The following KDM7A variants were observed in gnomAD, a reference collection of about 807,000 sequenced individuals.
KDM7A encodes the protein lysine demethylase 7A.
In KDM7A, 28 loss-of-function variants were observed where a neutral mutation model predicts 114.8. The ratio of observed to expected loss-of-function variants is 0.24; its 90% confidence interval spans 0.18 to 0.33. The LOEUF is 0.33. Ranked by LOEUF, KDM7A falls within the 10% of genes least tolerant of loss-of-function variation. The probability of loss-of-function intolerance (pLI) is 1.00; values close to 1 mark genes in which losing one functional copy is unlikely to be tolerated. For synonymous variants in KDM7A, 423 were observed against 397.8 expected (o/e 1.06, Z -0.75); for missense variants, 942 against 1,142.5 (o/e 0.82, Z 2.53).
Position 140,088,779 on chromosome 7 carries a change from C to T in KDM7A, c.*2315G>A. 1 of 348,872 alleles carries T rather than the reference C, an allele frequency of 2.9e-6. No homozygotes were observed. Among genetic ancestry groups the T allele is most frequent in the Non-Finnish European group, 5.1e-6 (1 of 195,436 alleles). The allele number at this position is 348,872 out of a possible 1,614,324, so 21.6% of individuals were successfully genotyped here. On this transcript the variant is annotated 3_prime_UTR_variant, in exon 20 of 20. Coordinates refer to ENST00000397560, the MANE Select transcript of KDM7A (RefSeq NM_030647.2). The stretch of plus-strand genomic sequence containing the variant: ...AGTACCTTCACTTTAGAATTCCACA[C>T]ACGGGCTACTCCAAATTAGTACTTC...
intron 9 of KDM7A, among the ~76,000 whole-genome samples, chr7:140,118,438 T>TG (rs548657370): frequency 2.8e-4 from 43 of 152,230 alleles, no homozygotes; most frequent in East Asian, 2.3e-3. Flanking sequence ...TTTTTGGAGA[T>TG]GGAGTTTTGC....
At position 140,153,248 on chromosome 7, in the gene KDM7A, G is replaced by C. The variant is rs115662312; in HGVS notation, c.195-14058C>G. ...CAGGACCATAAAAGTAACCATGCGTGAGGCCGAGGCGGGCGGATCACGAGG... is the reference window on the plus strand; with the variant it reads ...CAGGACCATAAAAGTAACCATGCGTCAGGCCGAGGCGGGCGGATCACGAGG... On this transcript the variant is annotated intron_variant, in intron 1 of 19. Transcript: ENST00000397560. Among the ~76,000 whole-genome samples the C allele has an allele frequency of 4.3e-3, 652 of 152,042 alleles. 8 individuals are homozygous for C. The highest frequency in any genetic ancestry group is 0.014 in the African/African-American group (596 of 41,508).
At chr7:140,160,387 C>T (rs752729087) in intron 1 of KDM7A, among the ~76,000 whole-genome samples, 13 of 152,206 alleles carry the variant, frequency 8.5e-5, no homozygotes, top group Non-Finnish European at 1.6e-4. Context: ...CAGGGTCTTT[C>T]TTTGTTCTGT....
intron 6 of KDM7A, among the ~76,000 whole-genome samples, chr7:140,125,084 T>C (rs918154705): frequency 2.0e-5 from 3 of 152,166 alleles, no homozygotes; most frequent in African/African-American, 4.8e-5. Flanking sequence ...CATTGTCAAA[T>C]AGAGAAGTAA....
rs547790744 is a variant in KDM7A, at chr7:140,087,680, G to A, written c.*3414C>T. ...GTGACTTATTCAAGGTTACACAGCTGATACCTAAATGGCAGAACTTCGACA... is the reference window on the plus strand; with the variant it reads ...GTGACTTATTCAAGGTTACACAGCTAATACCTAAATGGCAGAACTTCGACA... On this transcript the variant is annotated 3_prime_UTR_variant, in exon 20 of 20. Coordinates refer to ENST00000397560, the MANE Select transcript of KDM7A (RefSeq NM_030647.2). 8.5e-5 allele frequency: 13 copies of A among 152,276 alleles called. No homozygotes were observed. In the East Asian group the frequency reaches 2.5e-3, roughly 29 times the overall value. The allele number at this position is 152,276 out of a possible 1,614,324, so 9.4% of individuals were successfully genotyped here.
At chr7:140,108,015 A>G (rs1187153963) in intron 11 of KDM7A, among the ~76,000 whole-genome samples, 3 of 152,154 alleles carry the variant, frequency 2.0e-5, no homozygotes, top group East Asian at 3.9e-4. Flanking sequence ...GCTTCATTTC[A>G]TTCATTTGAT....
chr7:140,115,414 A>G (rs1319833352), intron 9 of KDM7A, among the ~76,000 whole-genome samples: 2 of 152,238 alleles, frequency 1.3e-5, no homozygotes, highest in African/African-American at 4.8e-5. Flanking sequence ...TGTAGAAAGA[A>G]GTAGACATGG....
rs1794714004 is a variant in KDM7A, at chr7:140,176,670, C to T, written c.194+74G>A. ...GCGGCGGCCCGGCCCGAGGGAGGCG[C>T]GGGCGGCCGGCGGCGGCGGCGGTTG... On this transcript the variant is annotated intron_variant, in intron 1 of 19. Coordinates refer to ENST00000397560, the MANE Select transcript of KDM7A (RefSeq NM_030647.2). This position sits in a 1 kb window ranked among gnomAD's most constrained non-coding sequence, Gnocchi z 4.4. 4.0e-6 allele frequency: 4 copies of T among 1,010,308 alleles called. No individual in the cohort carries two copies. Among genetic ancestry groups the T allele is most frequent in the Non-Finnish European group, 4.8e-6 (4 of 836,718 alleles). 62.6% of individuals were successfully genotyped at this position (1,010,308 alleles called of 1,614,324 possible).
intron 8 of KDM7A, among the ~76,000 whole-genome samples, chr7:140,119,594 T>C (rs767300708): frequency 6.6e-6 from 1 of 152,196 alleles, no homozygotes; most frequent in Non-Finnish European, 1.5e-5. Flanking sequence ...AAAGTTTTAT[T>C]TAGGCTCCAC....
At chr7:140,098,755 A>G in intron 14 of KDM7A, 124 bp downstream of exon 14, 1 of 782,006 alleles carries the variant, frequency 1.3e-6, no homozygotes, top group Non-Finnish European at 2.1e-6. Context: ...TTTTCAAGAC[A>G]GTTTTAGGGA....
chr7:140,162,997 T>C (rs1794536972), intron 1 of KDM7A, among the ~76,000 whole-genome samples: 1 of 121,228 alleles, frequency 8.2e-6, no homozygotes, highest in Admixed American at 7.5e-5. Flanking sequence ...TTTTCTTTCC[T>C]TTTTTTTTTT....
rs1314700170 is a variant in KDM7A, at chr7:140,134,912, A to G, written c.281-1256T>C. ...ACAACAACATTGGGTCCTCATGTCG[A>G]TAAGAAGTCACAATAATTAACAGAG... On this transcript the variant is annotated intron_variant, in intron 2 of 19. Transcript: ENST00000397560. Among the ~76,000 whole-genome samples the G allele has an allele frequency of 6.6e-5, 10 of 152,104 alleles. No individual in the cohort carries two copies. In the South Asian group the frequency reaches 1.2e-3, roughly 19 times the overall value.
chr7:140,112,534 C>T (rs1818449660), intron 10 of KDM7A, among the ~76,000 whole-genome samples: 1 of 151,940 alleles, frequency 6.6e-6, no homozygotes, highest in South Asian at 2.1e-4. Context: ...TCACTTGAAC[C>T]CAGGAGGCGT....
chr7:140,117,493 G>C (rs1372090818), intron 9 of KDM7A, among the ~76,000 whole-genome samples: 1 of 151,666 alleles, frequency 6.6e-6, no homozygotes, highest in Non-Finnish European at 1.5e-5. Flanking sequence ...TGTGTTCGTG[G>C]ATAGTTTCTC....
chr7:140,151,707 T>C (rs1356730899), intron 1 of KDM7A, among the ~76,000 whole-genome samples: 1 of 152,250 alleles, frequency 6.6e-6, no homozygotes, highest in Non-Finnish European at 1.5e-5. Context: ...TTTCATGTAG[T>C]TCCTAAATGT....
intron 6 of KDM7A, among the ~76,000 whole-genome samples, chr7:140,125,610 A>C (rs2116799679): frequency 6.6e-6 from 1 of 152,368 alleles, no homozygotes; most frequent in Non-Finnish European, 1.5e-5. Flanking sequence ...TCTGTTGCCC[A>C]GGCTGGAGTG....
rs565209909 is a variant in KDM7A, at chr7:140,140,735, T to C, written c.195-1545A>G. 1.9e-4 allele frequency among the ~76,000 whole-genome samples: 25 copies of C among 131,634 alleles called. 1 individual carries two copies. The South Asian group carries it at 6.0e-3, about 31-fold the overall frequency. 86.4% of individuals were successfully genotyped at this position (131,634 alleles called of 152,430 possible). ...GTTGCAGTAGGCAACAGAGTGAGACTTCATCTCAAAAAAAAAAAAAAAAAA... is the reference window on the plus strand; with the variant it reads ...GTTGCAGTAGGCAACAGAGTGAGACCTCATCTCAAAAAAAAAAAAAAAAAA... On this transcript the variant is annotated intron_variant, in intron 1 of 19. Transcript: ENST00000397560.
chr7:140,129,367 C>T lies in KDM7A; in HGVS notation c.559+126G>A, dbSNP rs978789054. 44 of 768,174 alleles carry T rather than the reference C, an allele frequency of 5.7e-5. 2 individuals are homozygous for T. In the South Asian group the frequency reaches 6.9e-4, roughly 12 times the overall value. 47.6% of individuals were successfully genotyped at this position (768,174 alleles called of 1,614,324 possible). ...AAACTAGTTTTCAATATAGATGATA[C>T]TGAGCCTCACTTTTCTGAGCAGAAA... On this transcript the variant is annotated intron_variant, in intron 4 of 19. Transcript: ENST00000397560.
chr7:140,151,061 C>T lies in KDM7A; in HGVS notation c.195-11871G>A, dbSNP rs181900014. 9.4e-3 allele frequency among the ~76,000 whole-genome samples: 1,431 copies of T among 152,146 alleles called. 22 individuals carry two copies. The highest frequency in any genetic ancestry group is 0.034 in the African/African-American group (1,391 of 41,482). On this transcript the variant is annotated intron_variant, in intron 1 of 19. Transcript: ENST00000397560. The stretch of plus-strand genomic sequence containing the variant: ...GGCCAGGCTGGTTTCGAACTCTTGA[C>T]CTCAGGTGATACACCCACCTCGGCC...
Sources: allele counts gnomAD v4.1 joint callset (sites outside exome capture counted in the v4.1 genomes callset), GRCh38; gene constraint gnomAD v4.1.1; non-coding constraint Gnocchi (gnomAD v3.1); transcripts MANE v1.5; gene names NCBI Gene and HGNC (gene_info 2026-07-23, HGNC 2026-07-21).